Variants in KDELR2 observed in about 807,000 individuals in gnomAD.
KDELR2 encodes the protein KDEL endoplasmic reticulum protein retention receptor 2.
A neutral mutation model predicts 23.9 loss-of-function variants in KDELR2; 15 were observed. That is an observed-to-expected ratio of 0.63 (90% CI 0.42 to 0.97). KDELR2 has a LOEUF of 0.97. Ranked by LOEUF, KDELR2 falls within the 50% of genes least tolerant of loss-of-function variation. The pLI is 0.00. For synonymous variants in KDELR2, 119 were observed against 106.2 expected, an observed-to-expected ratio of 1.12 and a Z score of -0.74; for missense variants, 272 against 254.6, an observed-to-expected ratio of 1.07 and a Z score of -0.46.
chr7:6,467,826 C>T (rs1346157603), intron 3 of KDELR2, among the ~76,000 whole-genome samples: 3 of 152,156 alleles, frequency 2.0e-5, no homozygotes, highest in African/African-American at 2.4e-5. Flanking sequence ...GTGACTTGAT[C>T]GGCCCCAGGA....
At chr7:6,464,323 A>G (rs1583314654) in intron 4 of KDELR2, among the ~76,000 whole-genome samples, 1 of 149,338 alleles carries the variant, frequency 6.7e-6, no homozygotes, top group East Asian at 2.1e-4. Flanking sequence ...GTTCAAGACC[A>G]GCCTGGCCAA....
At chr7:6,480,900 C>T (rs188571300) in intron 1 of KDELR2, among the ~76,000 whole-genome samples, 4 of 152,278 alleles carry the variant, frequency 2.6e-5, no homozygotes, top group Admixed American at 2.0e-4. Context: ...CAAACCAGGA[C>T]AGAAATCATC....
chr7:6,463,461 T>A (rs1414561868), intron 4 of KDELR2, among the ~76,000 whole-genome samples: 1 of 152,162 alleles, frequency 6.6e-6, no homozygotes, highest in East Asian at 1.9e-4. Flanking sequence ...CCGGATGCAG[T>A]GGCTCATGCC....
At chr7:6,473,394 G>A (rs1469071455) in intron 2 of KDELR2, among the ~76,000 whole-genome samples, 2 of 152,106 alleles carry the variant, frequency 1.3e-5, no homozygotes, top group African/African-American at 2.4e-5. Context: ...GTGTTCACAA[G>A]CATGAATTCA....
chr7:6,474,308 T>A (rs375325084), intron 1 of KDELR2, 24 bp from the exon 2 acceptor site: 3 of 1,501,404 alleles, frequency 2.0e-6, no homozygotes, highest in African/African-American at 2.8e-5. Flanking sequence ...AGGGAAGTAT[T>A]AGAAGGGCCT....
At chr7:6,474,744 G>A (rs887213992) in intron 1 of KDELR2, among the ~76,000 whole-genome samples, 11 of 152,164 alleles carry the variant, frequency 7.2e-5, no homozygotes, top group Non-Finnish European at 1.0e-4. Context: ...GCTCACTGTA[G>A]CCTTGACCTC....
Position 6,461,730 on chromosome 7 carries a change from A to T in KDELR2, c.*1411T>A, listed in dbSNP as rs1228145973. ...AAGACGTTGTAATGCAGAAAGCCAA[A>T]ATACTACATCCTTCTTGTAGTCAGC... On this transcript the variant is annotated 3_prime_UTR_variant, in exon 5 of 5. Transcript: ENST00000258739. The T allele has an allele frequency of 6.6e-6, 1 of 151,666 alleles. No individual in the cohort carries two copies. The highest frequency in any genetic ancestry group is 2.4e-5 in the African/African-American group (1 of 41,272). 9.4% of individuals were successfully genotyped at this position (151,666 alleles called of 1,614,324 possible).
rs1437340060 is a variant in KDELR2, at chr7:6,483,879, C to T, written c.91+88G>A. On this transcript the variant is annotated intron_variant, in intron 1 of 4. Transcript: ENST00000258739. ...GTGTGTCGGGCCGGCGCAGGCCCCG[C>T]GAGCCGTGGGGTGGCCGAGGTCGGC... 19 of 1,090,638 alleles carry T rather than the reference C, an allele frequency of 1.7e-5. No homozygotes were observed. In the East Asian group the frequency reaches 6.5e-4, roughly 37 times the overall value. 67.6% of individuals were successfully genotyped at this position (1,090,638 alleles called of 1,614,324 possible).
chr7:6,483,766 G>C (rs1355676123), intron 1 of KDELR2, among the ~76,000 whole-genome samples: 1 of 152,030 alleles, frequency 6.6e-6, no homozygotes, highest in African/African-American at 2.4e-5. Flanking sequence ...GCGGGGTCCC[G>C]CGCTGCGACA....
chr7:6,474,587 T>C (rs1785717351), intron 1 of KDELR2, among the ~76,000 whole-genome samples: 1 of 152,160 alleles, frequency 6.6e-6, no homozygotes, highest in African/African-American at 2.4e-5. Flanking sequence ...CTCAAATATA[T>C]CACCTTAAGT....
In KDELR2 at chr7:6,466,251, C is replaced by A. The variant is rs1248611012; in HGVS notation, c.424G>T (p.Gly142Trp). Residue 142 changes from glycine (G) to tryptophan (W), a missense_variant, in exon 4 of 5, where the codon GGG becomes TGG. Transcript: ENST00000258739. ...TGGGTGGTGATGGTCTCGGCCTCCCCAGTCTTGCTGATCATAAATAGCTGC... is the reference window on the plus strand; with the variant it reads ...TGGGTGGTGATGGTCTCGGCCTCCCAAGTCTTGCTGATCATAAATAGCTGC... ...LPQLFMISKTGEAETITTHYL... is the reference protein window; with the variant it reads ...LPQLFMISKTWEAETITTHYL... The A allele has an allele frequency of 6.2e-7, 1 of 1,614,080 alleles. No homozygotes were observed. Among genetic ancestry groups the A allele is most frequent in the Non-Finnish European group, 8.5e-7 (1 of 1,179,982 alleles).
At position 6,466,313 on chromosome 7, in the gene KDELR2, G is replaced by C; in HGVS notation, c.362C>G (p.Thr121Ser). 1.2e-6 allele frequency: 2 copies of C among 1,613,730 alleles called. No individual in the cohort carries two copies. The highest frequency in any genetic ancestry group is 2.2e-5 in the South Asian group (2 of 91,054). ...CACGGACTCCAGGTAGATGGAGAAG[G>C]TCCAGAGGATCTGGAAGAGAAATGG... ...HDFSPLEILW[T>S]FSIYLESVAI... is the part of the protein sequence containing the mutation. Residue 121 changes from threonine to serine, a missense_variant, in exon 4 of 5, where the codon ACC becomes AGC. Transcript: ENST00000258739.
chr7:6,462,939 T>A lies in KDELR2; in HGVS notation c.*202A>T. 1 of 1,578,022 alleles carries A rather than the reference T, an allele frequency of 6.3e-7. No homozygotes were observed. Among genetic ancestry groups the A allele is most frequent in the Non-Finnish European group, 8.6e-7 (1 of 1,160,616 alleles). The stretch of plus-strand genomic sequence containing the variant: ...TGTGTAAAAAAATCTTTGTACACAG[T>A]AATAAAAAAAGATAAGGCAAGATGC... On this transcript the variant is annotated 3_prime_UTR_variant, in exon 5 of 5. Coordinates refer to ENST00000258739, the MANE Select transcript of KDELR2 (RefSeq NM_006854.4).
chr7:6,468,761 C>G (rs1478623362), intron 3 of KDELR2, among the ~76,000 whole-genome samples: 1 of 152,240 alleles, frequency 6.6e-6, no homozygotes, highest in Admixed American at 6.5e-5. Context: ...GCCTCAGCCT[C>G]CCAAAGTGCT....
chr7:6,469,735 G>C lies in KDELR2; in HGVS notation c.212C>G (p.Ser71Cys). The change falls in exon 3 of 5, where the codon TCC becomes TGC. Residue 71 changes from serine (S) to cysteine (C), a missense_variant. Ser to Cys is a moderately radical substitution (Grantham distance 112, BLOSUM62 -1). Transcript: ENST00000258739. Reference sequence around the variant, plus strand: ...GTAGATCAGGTACACTGTGGCATAGGAGCAGGCAAGGTAGATAACCTACAA... The same window carrying C: ...GTAGATCAGGTACACTGTGGCATAGCAGCAGGCAAGGTAGATAACCTACAA... Reference protein sequence around the residue: ...TSMKVIYLACSYATVYLIYLK... With the variant: ...TSMKVIYLACCYATVYLIYLK... 1 of 1,613,558 alleles carries C rather than the reference G, an allele frequency of 6.2e-7. No homozygotes were observed. Among genetic ancestry groups the C allele is most frequent in the Non-Finnish European group, 8.5e-7 (1 of 1,179,750 alleles).
intron 1 of KDELR2, among the ~76,000 whole-genome samples, chr7:6,479,025 G>A (rs1050569418): frequency 2.0e-5 from 3 of 152,052 alleles, no homozygotes; most frequent in Admixed American, 6.6e-5. Context: ...CCTGACTCAG[G>A]TGATCCACCT....
intron 2 of KDELR2, among the ~76,000 whole-genome samples, chr7:6,472,721 G>T (rs1464070330): frequency 1.3e-5 from 2 of 152,082 alleles, no homozygotes; most frequent in Non-Finnish European, 2.9e-5. Context: ...AAAATGTTGG[G>T]GGGAGGTTGT....
At position 6,470,881 on chromosome 7, in the gene KDELR2, G is replaced by A. The variant is rs546933604; in HGVS notation, c.193-1127C>T. Among the ~76,000 whole-genome samples the A allele has an allele frequency of 1.4e-4, 21 of 152,152 alleles. No homozygotes were observed. In the South Asian group the frequency reaches 1.9e-3, roughly 14 times the overall value. ...TGTAATCCTAGCACTCTGGGAGGCC[G>A]AGGCAGGCGGATCATGAGGTCAGGA... On this transcript the variant is annotated intron_variant, in intron 2 of 4. Transcript: ENST00000258739.
At chr7:6,464,943 T>C (rs1785469568) in intron 4 of KDELR2, among the ~76,000 whole-genome samples, 1 of 151,608 alleles carries the variant, frequency 6.6e-6, no homozygotes, top group African/African-American at 2.4e-5. Flanking sequence ...GCCATGTTGG[T>C]CAGGCTAGTC....
Sources: allele counts gnomAD v4.1 joint callset (sites outside exome capture counted in the v4.1 genomes callset), GRCh38; gene constraint gnomAD v4.1.1; transcripts MANE v1.5; gene names NCBI Gene and HGNC (gene_info 2026-07-23, HGNC 2026-07-21).